The following DOCK1 variants were observed in gnomAD, a reference collection of about 807,000 sequenced individuals.
The protein encoded by DOCK1 is dedicator of cytokinesis protein 1.
In DOCK1, 138 loss-of-function variants were observed where a neutral mutation model predicts 262.7. That is an observed-to-expected ratio of 0.53 (90% CI 0.46 to 0.61). DOCK1 has a LOEUF of 0.61. Ranked by LOEUF, DOCK1 falls within the 20% of genes least tolerant of loss-of-function variation. The pLI is 0.00. For synonymous variants in DOCK1, 866 were observed against 867.4 expected (o/e 1.00, Z 0.03); for missense variants, 1,908 against 2,370.7 (o/e 0.80, Z 4.05).
intron 35 of DOCK1, among the ~76,000 whole-genome samples, chr10:127,375,747 A>G (rs2065451340): frequency 6.6e-6 from 1 of 152,220 alleles, no homozygotes; most frequent in Non-Finnish European, 1.5e-5. Context: ...TTCTGTAACA[A>G]GTTTTCTTTT....
intron 13 of DOCK1, among the ~76,000 whole-genome samples, chr10:127,020,228 T>C (rs192080739): frequency 8.5e-5 from 13 of 152,350 alleles, no homozygotes; most frequent in Non-Finnish European, 1.6e-4. Context: ...GACTAATTTG[T>C]ATACTTATTA....
At chr10:126,908,784 C>G (rs546858907) in intron 1 of DOCK1, among the ~76,000 whole-genome samples, 1 of 152,318 alleles carries the variant, frequency 6.6e-6, no homozygotes, top group East Asian at 1.9e-4. Flanking sequence ...AGCTGTCACA[C>G]TGGCCAGATG....
At chr10:127,406,771 T>G (rs1209607278) in intron 40 of DOCK1, among the ~76,000 whole-genome samples, 1 of 152,278 alleles carries the variant, frequency 6.6e-6, no homozygotes, top group Admixed American at 6.5e-5. Context: ...GCAAAGTAAC[T>G]GACATTTTCA....
chr10:127,328,570 C>A (rs372634975), intron 29 of DOCK1, among the ~76,000 whole-genome samples: 3 of 151,864 alleles, frequency 2.0e-5, no homozygotes, highest in Non-Finnish European at 4.4e-5. Context: ...ATGGCAGGGA[C>A]GCCAGGGACA....
At chr10:127,429,358 C>A (rs1322946064) in intron 47 of DOCK1, among the ~76,000 whole-genome samples, 2 of 152,100 alleles carry the variant, frequency 1.3e-5, no homozygotes, top group Non-Finnish European at 2.9e-5. Flanking sequence ...AGGGGACTGG[C>A]AGGTCCCCTT....
At chr10:126,983,462 GTC>G (rs1053802707) in intron 4 of DOCK1, among the ~76,000 whole-genome samples, 12 of 152,042 alleles carry the variant, frequency 7.9e-5, no homozygotes, top group African/African-American at 2.9e-4. Flanking sequence ...TTATTGTCCT[GTC>G]TCTCTTGCAG....
At chr10:127,080,219 C>T (rs956621253) in intron 23 of DOCK1, among the ~76,000 whole-genome samples, 1 of 152,078 alleles carries the variant, frequency 6.6e-6, no homozygotes, top group African/African-American at 2.4e-5. Flanking sequence ...CTCATTTCCA[C>T]CAGATCTCCA....
At chr10:127,377,045 A>G (rs1201041722) in intron 35 of DOCK1, among the ~76,000 whole-genome samples, 1 of 152,238 alleles carries the variant, frequency 6.6e-6, no homozygotes, top group Non-Finnish European at 1.5e-5. Flanking sequence ...TGGGTTCTCA[A>G]GGTTATCTGA....
At chr10:127,068,705 TA>T (rs562959722) in intron 23 of DOCK1, among the ~76,000 whole-genome samples, 23 of 152,330 alleles carry the variant, frequency 1.5e-4, no homozygotes, top group African/African-American at 5.5e-4. Context: ...TATTTAGCAT[TA>T]TCCTATATAT....
intron 29 of DOCK1, among the ~76,000 whole-genome samples, chr10:127,328,119 C>CAAAAAAAAAA (rs11301683): frequency 1.4e-5 from 1 of 72,536 alleles, no homozygotes; most frequent in Non-Finnish European, 3.0e-5. Context: ...TACAAATGGG[C>CAAAAAAAAAA]AAAAAAAAAA....
intron 27 of DOCK1, among the ~76,000 whole-genome samples, chr10:127,167,212 T>A (rs768016971): frequency 9.2e-5 from 14 of 152,228 alleles, no homozygotes; most frequent in Non-Finnish European, 1.9e-4. Flanking sequence ...AGAAAGAATA[T>A]GAAATGTGCT....
intron 27 of DOCK1, among the ~76,000 whole-genome samples, chr10:127,239,472 T>TGG (rs1161534103): frequency 2.6e-5 from 4 of 152,190 alleles, no homozygotes; most frequent in Non-Finnish European, 4.4e-5. Flanking sequence ...TTCTCCTTAA[T>TGG]ACATCATCCA....
At chr10:127,279,084 G>A (rs993807495) in intron 29 of DOCK1, among the ~76,000 whole-genome samples, 3 of 152,198 alleles carry the variant, frequency 2.0e-5, no homozygotes, top group African/African-American at 7.2e-5. Context: ...TAATTTTCCA[G>A]TGTAGCGTTT....
chr10:127,227,847 A>C (rs981373549), intron 27 of DOCK1, among the ~76,000 whole-genome samples: 23 of 152,188 alleles, frequency 1.5e-4, no homozygotes, highest in African/African-American at 5.5e-4. Flanking sequence ...ACACTGGCTC[A>C]GACAGTCAAA....
intron 33 of DOCK1, among the ~76,000 whole-genome samples, chr10:127,366,340 C>A (rs577010366): frequency 6.6e-6 from 1 of 152,264 alleles, no homozygotes; most frequent in South Asian, 2.1e-4. Flanking sequence ...AGCTTCCCAG[C>A]TGGAATCTCC....
chr10:127,024,598 C>G, intron 14 of DOCK1, 87 bp from the exon 15 acceptor site: 1 of 1,125,980 alleles, frequency 8.9e-7, no homozygotes, highest in Non-Finnish European at 1.3e-6. Flanking sequence ...TTGGAGCGTA[C>G]CTGTCCCCCC....
chr10:127,382,104 A>G (rs772998438), intron 37 of DOCK1, among the ~76,000 whole-genome samples: 5 of 152,212 alleles, frequency 3.3e-5, no homozygotes, highest in Non-Finnish European at 5.9e-5. Context: ...TATGAACTGG[A>G]TAAATAAGAA....
At chr10:126,948,606 C>T (rs1367070039) in intron 1 of DOCK1, among the ~76,000 whole-genome samples, 4 of 151,826 alleles carry the variant, frequency 2.6e-5, no homozygotes, top group African/African-American at 7.3e-5. Flanking sequence ...TGCTCCAGGC[C>T]ACAGATGGAG....
intron 31 of DOCK1, among the ~76,000 whole-genome samples, chr10:127,354,418 C>T (rs971942739): frequency 2.6e-5 from 4 of 152,218 alleles, no homozygotes; most frequent in Admixed American, 2.6e-4. Flanking sequence ...TTTCATGACT[C>T]TCCACAAGTT....
Sources: gnomAD v4.1 joint callset for allele counts (sites outside exome capture counted in the v4.1 genomes callset) on GRCh38, gnomAD v4.1.1 for gene constraint, MANE v1.5 for transcripts, NCBI Gene and HGNC (gene_info 2026-07-23, HGNC 2026-07-21) for gene names.